Variants in NFKB1 observed in about 807,000 individuals in gnomAD.
The protein encoded by NFKB1 is nuclear factor NF-kappa-B p105 subunit.
In NFKB1, 9 loss-of-function variants were observed where a neutral mutation model predicts 105.1. The observed-to-expected ratio is 0.09, with a 90% CI of 0.05 to 0.15. The LOEUF (loss-of-function observed/expected upper bound fraction) is 0.15, where lower values mean the gene tolerates loss of function less well. Among genes scored for constraint, NFKB1 ranks in the 10% least tolerant of loss-of-function variants. NFKB1 has a pLI of 1.00. For missense variants in NFKB1, 830 were observed against 1,203.7 expected (o/e 0.69, Z 4.59); for synonymous variants, 440 against 442.2 (o/e 1.00, Z 0.06).
At chr4:102,612,352 G>T in intron 21 of NFKB1, 82 bp from the exon 22 acceptor site, 1 of 1,451,334 alleles carries the variant, frequency 6.9e-7, no homozygotes, top group Non-Finnish European at 9.4e-7. Flanking sequence ...GAGTTGGACA[G>T]CAAGCCAGGC....
chr4:102,543,196 C>G (rs1721860386), intron 5 of NFKB1, among the ~76,000 whole-genome samples: 1 of 152,056 alleles, frequency 6.6e-6, no homozygotes, highest in Admixed American at 6.6e-5. Flanking sequence ...AAACTGTGTT[C>G]CCTTTCACAG....
intron 9 of NFKB1, among the ~76,000 whole-genome samples, chr4:102,581,620 C>T (rs759790067): frequency 2.0e-5 from 3 of 152,122 alleles, no homozygotes; most frequent in Non-Finnish European, 4.4e-5. Flanking sequence ...TGCTGCTGTA[C>T]TCCAGCCTAG....
At chr4:102,588,371 G>T (rs1010058736) in intron 11 of NFKB1, among the ~76,000 whole-genome samples, 2 of 151,842 alleles carry the variant, frequency 1.3e-5, no homozygotes, top group African/African-American at 4.8e-5. Flanking sequence ...GGGTCCAGGG[G>T]AGACGATCGA....
chr4:102,529,409 A>T (rs549503929), intron 2 of NFKB1, among the ~76,000 whole-genome samples: 13 of 152,334 alleles, frequency 8.5e-5, no homozygotes, highest in Non-Finnish European at 1.6e-4. Flanking sequence ...ATTTACCACC[A>T]TAGAGGAAAT....
intron 5 of NFKB1, among the ~76,000 whole-genome samples, chr4:102,539,196 C>T (rs1482824735): frequency 7.2e-6 from 1 of 138,984 alleles, no homozygotes; most frequent in Non-Finnish European, 1.5e-5. Context: ...GAGACTGTGC[C>T]ACTGGACTCC....
At chr4:102,613,624 CCCCAGGCTGGTGTCTTCAGCTCT>C (rs778956617) in intron 23 of NFKB1, 43 bp downstream of exon 23, 20 of 1,586,618 alleles carry the variant, frequency 1.3e-5, no homozygotes, top group Admixed American at 1.1e-4. Flanking sequence ...TTTCCAGCTC[CCCCAGGCTGGTGTCTTCAGCTCT>C]TTTTGGATAT....
intron 1 of NFKB1, among the ~76,000 whole-genome samples, chr4:102,504,432 T>C (rs1739294741): frequency 6.6e-6 from 1 of 152,184 alleles, no homozygotes; most frequent in Non-Finnish European, 1.5e-5. Flanking sequence ...GAAGTTTGTT[T>C]TATTCGGTTG....
At chr4:102,540,077 A>T (rs1410428080) in intron 5 of NFKB1, among the ~76,000 whole-genome samples, 1 of 152,174 alleles carries the variant, frequency 6.6e-6, no homozygotes, top group Non-Finnish European at 1.5e-5. Flanking sequence ...ATTGAAAGAC[A>T]CATGTTATCA....
rs995077819 is a variant in NFKB1 at position 102,613,452 on chromosome 4, G to T, written c.2620G>T (p.Val874Leu). ...EVSGGTVREL[V>L]EALRQMGYTE... ...CTCTGGGGGTACAGTCAGAGAGCTG[G>T]TGGAGGCCCTGAGACAAATGGGCTA... The change falls in exon 23 of 24, where the codon GTG becomes TTG. Residue 874 changes from valine to leucine, a missense_variant. Val to Leu is a conservative substitution (Grantham distance 32). Coordinates refer to ENST00000226574, the MANE Select transcript of NFKB1 (RefSeq NM_003998.4). The T allele has an allele frequency of 2.4e-5, 38 of 1,613,810 alleles. No individual in the cohort carries two copies. Among genetic ancestry groups the T allele is most frequent in the Non-Finnish European group, 3.1e-5 (36 of 1,179,982 alleles).
intron 1 of NFKB1, among the ~76,000 whole-genome samples, chr4:102,515,110 T>A (rs868166396): frequency 0.027 from 3,218 of 118,830 alleles, 28 homozygotes; most frequent in East Asian, 0.038. Context: ...TATTATTATT[T>A]TTTTTTTTTT....
At chr4:102,581,653 C>CA (rs540380472) in intron 9 of NFKB1, among the ~76,000 whole-genome samples, 3 of 151,476 alleles carry the variant, frequency 2.0e-5, no homozygotes, top group Non-Finnish European at 4.4e-5. Flanking sequence ...GACCCTGTCT[C>CA]AAAAAAAAGA....
chr4:102,606,629 A>G lies in NFKB1; in HGVS notation c.1886A>G (p.Asp629Gly). 2 of 1,614,206 alleles carry G rather than the reference A, an allele frequency of 1.2e-6. No individual in the cohort carries two copies. The highest frequency in any genetic ancestry group is 1.7e-6 in the Non-Finnish European group (2 of 1,180,040). The change falls in exon 17 of 24, where the codon GAT (aspartate) becomes GGT (glycine). Residue 629 changes from aspartate to glycine, a missense_variant. Asp to Gly is a moderately conservative substitution (Grantham distance 94). This residue lies in a region of NFKB1 where 418 missense variants were observed against 575.3 expected (regional missense o/e 0.73). Transcript: ENST00000226574. ...CACCTAGCTGCCAAAGAAGGACATG[A>G]TAAAGTTCTCAGTATCTTACTCAAG... Reference protein sequence around the residue: ...VLHLAAKEGHDKVLSILLKHK... With the variant: ...VLHLAAKEGHGKVLSILLKHK...
chr4:102,570,266 A>G (rs1724221098), intron 6 of NFKB1, among the ~76,000 whole-genome samples: 1 of 152,108 alleles, frequency 6.6e-6, no homozygotes, highest in Non-Finnish European at 1.5e-5. Flanking sequence ...TTTGTCCATG[A>G]GTTCTCATCA....
rs373834329 is a variant in NFKB1 at position 102,569,207 on chromosome 4, A to G, written c.407+2072A>G. Among the ~76,000 whole-genome samples, 45 of 152,260 alleles carry G rather than the reference A, an allele frequency of 3.0e-4. No individual in the cohort carries two copies. In the East Asian group the frequency reaches 7.7e-3, roughly 26 times the overall value. Reference sequence around the variant, plus strand: ...CTTATTGCATTTATGTAGAAAGAACATCGTGCTAGCATTCTGGAAACCAGT... The same window carrying G: ...CTTATTGCATTTATGTAGAAAGAACGTCGTGCTAGCATTCTGGAAACCAGT... On this transcript the variant is annotated intron_variant, in intron 6 of 23. Coordinates refer to ENST00000226574, the MANE Select transcript of NFKB1 (RefSeq NM_003998.4).
chr4:102,600,981 T>C lies in NFKB1; in HGVS notation c.1724T>C (p.Ile575Thr). The C allele has an allele frequency of 1.2e-6, 2 of 1,606,058 alleles. No individual in the cohort carries two copies. Among genetic ancestry groups the C allele is most frequent in the Non-Finnish European group, 1.7e-6 (2 of 1,172,800 alleles). ...EVTSGLISDD[I>T]INMRNDLYQT... ...ACATCTGGTTTGATTTCTGATGACA[T>C]TATCAACATGAGAAATGATCTGTAC... is the stretch of plus-strand genomic sequence containing the variant. The change falls in exon 16 of 24, where the codon ATT (isoleucine) becomes ACT (threonine). Residue 575 changes from isoleucine to threonine, a missense_variant. By Grantham distance (89) the Ile-to-Thr change is moderately conservative (BLOSUM62 -1). Transcript: ENST00000226574.
intron 6 of NFKB1, among the ~76,000 whole-genome samples, chr4:102,570,139 AT>A (rs1724207234): frequency 6.6e-6 from 1 of 152,102 alleles, no homozygotes; most frequent in Admixed American, 6.6e-5. Context: ...GAGACATGGA[AT>A]TTTTTTCCAA....
intron 5 of NFKB1, among the ~76,000 whole-genome samples, chr4:102,547,423 G>C (rs898276281): frequency 5.3e-5 from 8 of 152,236 alleles, no homozygotes; most frequent in African/African-American, 1.9e-4. Flanking sequence ...GTGAGGTTTA[G>C]GTGGTTGTGG....
At chr4:102,529,512 G>A (rs1174529849) in intron 2 of NFKB1, among the ~76,000 whole-genome samples, 1 of 152,178 alleles carries the variant, frequency 6.6e-6, no homozygotes, top group East Asian at 1.9e-4. Flanking sequence ...TATCTGTTCT[G>A]TGATAAGCAT....
intron 13 of NFKB1, 23 bp from the exon 14 acceptor site, chr4:102,596,115 T>C: frequency 6.7e-7 from 1 of 1,483,998 alleles, no homozygotes; most frequent in Non-Finnish European, 9.1e-7. Flanking sequence ...GAGAAAAATC[T>C]GATGTTTTTG....
Sources: gnomAD v4.1 joint callset for allele counts (sites outside exome capture counted in the v4.1 genomes callset) on GRCh38, gnomAD v4.1.1 for gene constraint, gnomAD v4.1.1 regional missense constraint, MANE v1.5 for transcripts, NCBI Gene and HGNC (gene_info 2026-07-23, HGNC 2026-07-21) for gene names.